The following ZBTB7C variants were observed in gnomAD, a reference collection of about 807,000 sequenced individuals.
ZBTB7C encodes the protein zinc finger and BTB domain containing 7C.
In ZBTB7C, 8 loss-of-function variants were observed where a neutral mutation model predicts 25.7. That is an observed-to-expected ratio of 0.31 (90% CI 0.18 to 0.56). The LOEUF is 0.56. ZBTB7C is among the 20% of genes least tolerant of loss of function. The pLI is 0.91. For synonymous variants in ZBTB7C, 394 were observed against 369.0 expected (o/e 1.07, Z -0.78); for missense variants, 824 against 855.2 (o/e 0.96, Z 0.46).
Position 48,035,420 on chromosome 18 carries a change from G to A in ZBTB7C, c.1208+4480C>T, listed in dbSNP as rs2035930127. On this transcript the variant is annotated intron_variant, in intron 4 of 4. Transcript: ENST00000590800. ...AGCCAGGCTGTGACAGGATGCAGGG[G>A]CTCCAGGAGGGAGACCAGCCAGCCA... Among the ~76,000 whole-genome samples the A allele has an allele frequency of 3.9e-5, 6 of 152,364 alleles. No homozygotes were observed. The South Asian group carries it at 1.2e-3, about 32-fold the overall frequency.
intron 3 of ZBTB7C, among the ~76,000 whole-genome samples, chr18:48,067,105 A>AAAAC (rs1568190749): frequency 6.6e-6 from 1 of 151,928 alleles, no homozygotes; most frequent in East Asian, 1.9e-4. Context: ...CCATCTCCAA[A>AAAAC]AAAACAAAAC....
chr18:48,030,475 A>G (rs2144063080), intron 4 of ZBTB7C, among the ~76,000 whole-genome samples: 1 of 152,344 alleles, frequency 6.6e-6, no homozygotes, highest in Middle Eastern at 3.4e-3. Context: ...AACCTCCTGC[A>G]TGGTGGTTTC....
chr18:48,073,656 C>G (rs1194972820), intron 3 of ZBTB7C, among the ~76,000 whole-genome samples: 2 of 152,138 alleles, frequency 1.3e-5, no homozygotes, highest in African/African-American at 2.4e-5. Flanking sequence ...CCTGCCCTCC[C>G]TCTCCCCCCA....
At chr18:48,056,274 C>T (rs894579217) in intron 3 of ZBTB7C, among the ~76,000 whole-genome samples, 1 of 152,100 alleles carries the variant, frequency 6.6e-6, no homozygotes, top group Non-Finnish European at 1.5e-5. Flanking sequence ...GGACAGGGAG[C>T]CACAATACCA....
intron 3 of ZBTB7C, chr18:48,041,331 T>C: frequency 1.0e-6 from 1 of 985,422 alleles, no homozygotes; most frequent in Non-Finnish European, 1.2e-6. Flanking sequence ...CCTAAGACTC[T>C]TAGGGATAGG....
intron 2 of ZBTB7C, among the ~76,000 whole-genome samples, chr18:48,293,943 C>T (rs1485535573): frequency 1.3e-5 from 2 of 152,208 alleles, no homozygotes; most frequent in African/African-American, 4.8e-5. Context: ...TAAACTTCAC[C>T]TAGAACAATG....
chr18:48,062,405 C>A (rs1197439424), intron 3 of ZBTB7C, among the ~76,000 whole-genome samples: 1 of 152,198 alleles, frequency 6.6e-6, no homozygotes, highest in Non-Finnish European at 1.5e-5. Context: ...CACTTCTGTG[C>A]TCAACACAAG....
chr18:48,092,300 C>T (rs1249445074), intron 3 of ZBTB7C, among the ~76,000 whole-genome samples: 8 of 152,242 alleles, frequency 5.3e-5, no homozygotes, highest in South Asian at 2.1e-4. Context: ...TATGCCCCAA[C>T]GCCCCTGTAC....
chr18:48,340,524 T>C (rs926931926), intron 1 of ZBTB7C, among the ~76,000 whole-genome samples: 3 of 152,176 alleles, frequency 2.0e-5, no homozygotes, highest in East Asian at 3.9e-4. Flanking sequence ...GTGCAGAAGA[T>C]GCCATGGGGG....
chr18:48,184,249 G>A (rs1347273745), intron 3 of ZBTB7C, among the ~76,000 whole-genome samples: 2 of 152,176 alleles, frequency 1.3e-5, no homozygotes, highest in Non-Finnish European at 2.9e-5. Flanking sequence ...ACTGGACCCC[G>A]TGGCGCAGCA....
intron 3 of ZBTB7C, among the ~76,000 whole-genome samples, chr18:48,082,731 C>G (rs2038039375): frequency 6.6e-6 from 1 of 152,066 alleles, no homozygotes; most frequent in South Asian, 2.1e-4. Context: ...CTCACAATGA[C>G]CTTGCTGGGT....
intron 2 of ZBTB7C, among the ~76,000 whole-genome samples, chr18:48,245,431 A>G (rs1408921321): frequency 6.6e-6 from 1 of 151,110 alleles, no homozygotes; most frequent in Non-Finnish European, 1.5e-5. Context: ...GATCTTATCC[A>G]TGTAACCAAA....
intron 3 of ZBTB7C, among the ~76,000 whole-genome samples, chr18:48,140,687 T>C (rs1247619177): frequency 1.3e-5 from 2 of 152,072 alleles, no homozygotes; most frequent in Non-Finnish European, 2.9e-5. Context: ...TGGCCTTTGC[T>C]AGAGTGCTGA....
chr18:48,143,895 C>T (rs1265566606), intron 3 of ZBTB7C, among the ~76,000 whole-genome samples: 1 of 152,198 alleles, frequency 6.6e-6, no homozygotes, highest in African/African-American at 2.4e-5. Flanking sequence ...GTATTTGGTG[C>T]TGAACCCGGA....
chr18:48,250,768 T>G (rs1234706210), intron 2 of ZBTB7C, among the ~76,000 whole-genome samples: 1 of 149,170 alleles, frequency 6.7e-6, no homozygotes, highest in Admixed American at 6.6e-5. Flanking sequence ...TCTAATGATC[T>G]TGAAACAATC....
intron 2 of ZBTB7C, among the ~76,000 whole-genome samples, chr18:48,234,530 A>C (rs889352378): frequency 2.6e-5 from 4 of 151,882 alleles, no homozygotes; most frequent in Non-Finnish European, 5.9e-5. Context: ...GTGTGTGTGT[A>C]TTTACCTGCT....
chr18:48,169,512 A>G (rs146706557), intron 3 of ZBTB7C, among the ~76,000 whole-genome samples: 180 of 152,340 alleles, frequency 1.2e-3, no homozygotes, highest in African/African-American at 3.9e-3. Context: ...AATAATAGTT[A>G]CAGAATGAAT....
chr18:48,068,819 C>T (rs2037434141), intron 3 of ZBTB7C, among the ~76,000 whole-genome samples: 1 of 152,208 alleles, frequency 6.6e-6, no homozygotes, highest in South Asian at 2.1e-4. Flanking sequence ...CATGGACCAC[C>T]TCTCAAGGCC....
At chr18:48,125,428 C>T (rs11875025) in intron 3 of ZBTB7C, among the ~76,000 whole-genome samples, 4,263 of 152,340 alleles carry the variant, frequency 0.028, 84 homozygotes, top group Non-Finnish European at 0.042. Flanking sequence ...TGTTTTTGCA[C>T]GCTTGAGCTA....
Sources: allele counts gnomAD v4.1 joint callset (sites outside exome capture counted in the v4.1 genomes callset), GRCh38; gene constraint gnomAD v4.1.1; transcripts MANE v1.5; gene names NCBI Gene and HGNC (gene_info 2026-07-23, HGNC 2026-07-21).